Variants in FBLN7 observed in about 807,000 individuals in gnomAD.
The protein encoded by FBLN7 is fibulin-7.
A neutral mutation model predicts 44.0 loss-of-function variants in FBLN7; 31 were observed. That is an observed-to-expected ratio of 0.70 (90% CI 0.53 to 0.95). The LOEUF (loss-of-function observed/expected upper bound fraction) is 0.95, where lower values mean the gene tolerates loss of function less well. Among genes scored for constraint, FBLN7 ranks in the 40% least tolerant of loss-of-function variants. The pLI is 0.00. For synonymous variants in FBLN7, 262 were observed against 253.4 expected (o/e 1.03, Z -0.32); for missense variants, 573 against 618.5 (o/e 0.93, Z 0.78).
At chr2:112,181,568 C>T (rs1301123579) in intron 4 of FBLN7, among the ~76,000 whole-genome samples, 171 bp from the exon 5 acceptor site, 2 of 152,174 alleles carry the variant, frequency 1.3e-5, no homozygotes, top group Non-Finnish European at 2.9e-5. Flanking sequence ...AGGCCCTGGA[C>T]GGGTCGTCTG....
At chr2:112,194,737 A>G in the FBLN7 span, among the ~76,000 whole-genome samples, 9 of 152,236 alleles carry the variant, frequency 5.9e-5, no homozygotes, top group African/African-American at 9.6e-5. Flanking sequence ...CCAGTGCCTC[A>G]TGCAACCTGG....
intron 2 of FBLN7, among the ~76,000 whole-genome samples, chr2:112,161,441 G>A (rs1005973095): frequency 1.3e-5 from 2 of 152,140 alleles, no homozygotes; most frequent in African/African-American, 4.8e-5. Flanking sequence ...GCACTGTGAG[G>A]CCCAAGCCCT....
In FBLN7 at chr2:112,187,567, G is replaced by T. The variant is rs752210567; in HGVS notation, c.*61G>T. On this transcript the variant is annotated 3_prime_UTR_variant, in exon 8 of 8. Transcript: ENST00000331203. This position sits in a 1 kb window ranked among gnomAD's most constrained non-coding sequence, Gnocchi z 5.1. Reference sequence around the variant, plus strand: ...CTCATTTCTCTTCCCCGAAGGCTCAGCTTCGGGCACCGACTGCGTGGAGCC... The same window carrying T: ...CTCATTTCTCTTCCCCGAAGGCTCATCTTCGGGCACCGACTGCGTGGAGCC... 1.9e-5 allele frequency: 30 copies of T among 1,573,348 alleles called. No homozygotes were observed. In the Admixed American group the frequency reaches 5.0e-4, roughly 26 times the overall value.
the FBLN7 span, among the ~76,000 whole-genome samples, chr2:112,236,053 C>T: frequency 4.0e-5 from 6 of 151,600 alleles, no homozygotes; most frequent in Admixed American, 1.3e-4. Flanking sequence ...CACCTGAGGT[C>T]AGGAGTTCAA....
intron 1 of FBLN7, among the ~76,000 whole-genome samples, chr2:112,155,764 G>T (rs1681381484): frequency 6.6e-6 from 1 of 152,222 alleles, no homozygotes; most frequent in Non-Finnish European, 1.5e-5. Flanking sequence ...GGGCAGTTGT[G>T]CCTGGAGCCA....
chr2:112,179,345 CACAG>C (rs1682874158), intron 4 of FBLN7, among the ~76,000 whole-genome samples: 1 of 152,188 alleles, frequency 6.6e-6, no homozygotes, highest in African/African-American at 2.4e-5. Context: ...TCAGAGAAGA[CACAG>C]ACAAATGAAA....
At chr2:112,232,625 G>A in the FBLN7 span, among the ~76,000 whole-genome samples, 1 of 152,058 alleles carries the variant, frequency 6.6e-6, no homozygotes, top group Non-Finnish European at 1.5e-5. Context: ...TACAAATCTG[G>A]ATCCTTTGTA....
At chr2:112,195,852 C>T in the FBLN7 span, among the ~76,000 whole-genome samples, 1 of 152,208 alleles carries the variant, frequency 6.6e-6, no homozygotes, top group Admixed American at 6.5e-5. Flanking sequence ...AGGCACAAAA[C>T]AGTTGGCATT....
chr2:112,223,498 T>A, the FBLN7 span, among the ~76,000 whole-genome samples: 2 of 152,306 alleles, frequency 1.3e-5, no homozygotes, highest in South Asian at 4.1e-4. Context: ...CTGCTGTTTT[T>A]CCATGATAAT....
chr2:112,169,835 C>T (rs2104582184), intron 3 of FBLN7, among the ~76,000 whole-genome samples: 1 of 152,236 alleles, frequency 6.6e-6, no homozygotes, highest in East Asian at 1.9e-4. Flanking sequence ...GGGCAAGGAG[C>T]AGTTGAGGGC....
intron 1 of FBLN7, among the ~76,000 whole-genome samples, chr2:112,142,665 G>A (rs927182496): frequency 6.6e-6 from 1 of 152,158 alleles, no homozygotes; most frequent in African/African-American, 2.4e-5. Flanking sequence ...TCCTCATGGG[G>A]GTGGGCCACA....
At chr2:112,219,480 T>C in the FBLN7 span, among the ~76,000 whole-genome samples, 10 of 152,256 alleles carry the variant, frequency 6.6e-5, no homozygotes, top group Admixed American at 4.6e-4. Context: ...ATAAAGCTCA[T>C]AGAGGAAAAC....
Position 112,175,830 on chromosome 2 carries a change from GC to G in FBLN7, c.526del (p.Gln176ArgfsTer38). On this transcript the variant is annotated frameshift_variant, in exon 4 of 8. Coordinates refer to ENST00000331203, the MANE Select transcript of FBLN7 (RefSeq NM_153214.3). LOFTEE classifies it high-confidence loss of function. ...GRTGNRCQHQ[A>X]QTAAPEGSVA... ...GACTGGGAACCGCTGTCAGCATCAG[GC>G]CCAGACTGGTATGTAGCCACCATGG... 1.2e-6 allele frequency: 2 copies of G among 1,614,060 alleles called. No homozygotes were observed. The highest frequency in any genetic ancestry group is 1.7e-6 in the Non-Finnish European group (2 of 1,179,964).
the FBLN7 span, chr2:112,238,259 C>A: frequency 1.3e-6 from 2 of 1,547,826 alleles, no homozygotes; most frequent in Non-Finnish European, 1.8e-6. Context: ...CGTATATGGA[C>A]AACTGTGACT....
At position 112,159,749 on chromosome 2, in the gene FBLN7, G is replaced by A. The variant is rs1421507006; in HGVS notation, c.149G>A (p.Arg50His). Reference protein sequence around the residue: ...LQQLLKGQETRFAEGIRHMKS... With the variant: ...LQQLLKGQETHFAEGIRHMKS... ...CAGCTGCTGAAGGGCCAGGAGACAC[G>A]CTTCGCCGAGGGCATCCGCCACATG... Residue 50 changes from arginine to histidine, a missense_variant, in exon 2 of 8, where the codon CGC becomes CAC. Arg to His is a conservative substitution (Grantham distance 29). Coordinates refer to ENST00000331203, the MANE Select transcript of FBLN7 (RefSeq NM_153214.3). The A allele has an allele frequency of 3.1e-6, 5 of 1,605,284 alleles. No homozygotes were observed. The highest frequency in any genetic ancestry group is 3.4e-6 in the Non-Finnish European group (4 of 1,176,150).
intron 1 of FBLN7, among the ~76,000 whole-genome samples, chr2:112,157,758 G>GC (rs1364311630): frequency 6.6e-6 from 1 of 152,162 alleles, no homozygotes; most frequent in Non-Finnish European, 1.5e-5. Context: ...GCACCACCAT[G>GC]CCCAGCTAAT....
chr2:112,165,457 AG>A (rs1682102655), intron 3 of FBLN7, among the ~76,000 whole-genome samples: 1 of 152,146 alleles, frequency 6.6e-6, no homozygotes, highest in African/African-American at 2.4e-5. Flanking sequence ...TTACACAGCT[AG>A]GGGGTGGGCG....
chr2:112,226,283 T>C, the FBLN7 span, among the ~76,000 whole-genome samples: 1 of 151,706 alleles, frequency 6.6e-6, no homozygotes, highest in East Asian at 1.9e-4. Flanking sequence ...GAATCTGTTA[T>C]GTAAAATCTA....
chr2:112,226,871 G>C, the FBLN7 span, among the ~76,000 whole-genome samples: 1 of 152,046 alleles, frequency 6.6e-6, no homozygotes, highest in African/African-American at 2.4e-5. Flanking sequence ...ACATGACCAA[G>C]TGGGTTTTAC....
Sources: allele counts gnomAD v4.1 joint callset (sites outside exome capture counted in the v4.1 genomes callset), GRCh38; gene constraint gnomAD v4.1.1; non-coding constraint Gnocchi (gnomAD v3.1); transcripts MANE v1.5; gene names NCBI Gene and HGNC (gene_info 2026-07-23, HGNC 2026-07-21).